Variants in SH3D19 observed in about 807,000 individuals in gnomAD.
The protein encoded by SH3D19 is SH3 domain-containing protein 19.
A neutral mutation model predicts 112.1 loss-of-function variants in SH3D19; 58 were observed. That is an observed-to-expected ratio of 0.52 (90% CI 0.42 to 0.64). The LOEUF is 0.64. SH3D19 is among the 30% of genes least tolerant of loss of function. SH3D19 has a pLI of 0.00. For synonymous variants in SH3D19, 391 were observed against 448.5 expected (o/e 0.87, Z 1.62); for missense variants, 1,090 against 1,263.4 (o/e 0.86, Z 2.08).
chr4:151,176,872 A>C lies in SH3D19; in HGVS notation c.320T>G (p.Phe107Cys). The change falls in exon 5 of 20, where the codon TTT (phenylalanine) becomes TGT (cysteine). Residue 107 changes from phenylalanine (F) to cysteine (C), a missense_variant. Physicochemically the swap from Phe to Cys is radical, Grantham distance 205. Transcript: ENST00000604030. ...AGAGCCTGCTGCAGATGATGTAGGAAATCCCAGTCCTGGGGGTGGGGTTCC... is the reference window on the plus strand; with the variant it reads ...AGAGCCTGCTGCAGATGATGTAGGACATCCCAGTCCTGGGGGTGGGGTTCC... The part of the protein sequence containing the change: ...FPGTPPPGLG[F>C]PTSSAAGSWR... 1 of 1,232,190 alleles carries C rather than the reference A, an allele frequency of 8.1e-7. No individual in the cohort carries two copies. Among genetic ancestry groups the C allele is most frequent in the African/African-American group, 1.5e-5 (1 of 64,540 alleles). The allele number at this position is 1,232,190 out of a possible 1,614,324, so 76.3% of individuals were successfully genotyped here.
At chr4:151,237,616 G>C (rs1436236263) in intron 1 of SH3D19, among the ~76,000 whole-genome samples, 2 of 152,076 alleles carry the variant, frequency 1.3e-5, no homozygotes, top group Non-Finnish European at 2.9e-5. Context: ...CTGTAAAATG[G>C]GGAATAATAG....
At chr4:151,309,975 G>C (rs1158021770) in intron 1 of SH3D19, among the ~76,000 whole-genome samples, 2 of 151,354 alleles carry the variant, frequency 1.3e-5, no homozygotes, top group Non-Finnish European at 2.9e-5. Flanking sequence ...GGGTGACATA[G>C]CAAGACCCTG....
intron 9 of SH3D19, among the ~76,000 whole-genome samples, chr4:151,154,568 C>A (rs529163427): frequency 1.1e-4 from 17 of 150,758 alleles, no homozygotes; most frequent in African/African-American, 4.1e-4. Flanking sequence ...TGTGAGCCAC[C>A]ACACCCGGCC....
At chr4:151,172,944 C>G (rs902407753) in intron 7 of SH3D19, among the ~76,000 whole-genome samples, 2 of 152,186 alleles carry the variant, frequency 1.3e-5, no homozygotes, top group African/African-American at 4.8e-5. Flanking sequence ...TCAGATAGCA[C>G]AAGCAAATTA....
chr4:151,239,527 T>TG (rs1371181875), intron 1 of SH3D19, among the ~76,000 whole-genome samples: 1 of 152,224 alleles, frequency 6.6e-6, no homozygotes, highest in Non-Finnish European at 1.5e-5. Context: ...TACTTCAGAA[T>TG]TGCAGAATTA....
chr4:151,317,990 TAAAA>T (rs139058641), intron 1 of SH3D19, among the ~76,000 whole-genome samples: 5 of 136,722 alleles, frequency 3.7e-5, no homozygotes, highest in Admixed American at 7.3e-5. Context: ...GGCTGTTTCT[TAAAA>T]AAAAAAAGAA....
intron 1 of SH3D19, among the ~76,000 whole-genome samples, chr4:151,237,711 A>G (rs73861144): frequency 2.3e-3 from 358 of 152,360 alleles, no homozygotes; most frequent in African/African-American, 8.0e-3. Flanking sequence ...TAAGTGCTCA[A>G]TAAACATCTA....
At chr4:151,254,185 CAT>C (rs141853694) in intron 1 of SH3D19, among the ~76,000 whole-genome samples, 3,246 of 152,228 alleles carry the variant, frequency 0.021, 125 homozygotes, top group African/African-American at 0.074. Flanking sequence ...TAACTGATCA[CAT>C]ATGTTAAACT....
At chr4:151,274,570 G>A (rs932459745) in intron 1 of SH3D19, among the ~76,000 whole-genome samples, 4 of 152,168 alleles carry the variant, frequency 2.6e-5, no homozygotes, top group African/African-American at 7.2e-5. Context: ...CATGGAATTC[G>A]GTTGAGCCAT....
At chr4:151,319,792 A>G (rs1730358640) in intron 1 of SH3D19, among the ~76,000 whole-genome samples, 1 of 152,238 alleles carries the variant, frequency 6.6e-6, no homozygotes, top group Non-Finnish European at 1.5e-5. Context: ...CCCTTCATAA[A>G]TAGAAAAGCA....
At chr4:151,127,870 T>A (rs769148658) in intron 18 of SH3D19, among the ~76,000 whole-genome samples, 155 bp from the exon 19 acceptor site, 1 of 152,256 alleles carries the variant, frequency 6.6e-6, no homozygotes, top group Non-Finnish European at 1.5e-5. Context: ...TTTAAAAACA[T>A]GTTCAATTAA....
chr4:151,247,121 C>G (rs1401413747), intron 1 of SH3D19, among the ~76,000 whole-genome samples: 2 of 152,124 alleles, frequency 1.3e-5, no homozygotes, highest in African/African-American at 2.4e-5. Context: ...ATCCTGAATT[C>G]TATAAAATGA....
chr4:151,323,713 C>G (rs1730769850), intron 1 of SH3D19, among the ~76,000 whole-genome samples: 1 of 152,200 alleles, frequency 6.6e-6, no homozygotes, highest in Non-Finnish European at 1.5e-5. Context: ...AAGCCTTTGT[C>G]AACCTTGAGA....
chr4:151,234,808 T>A (rs1017980519), intron 1 of SH3D19, among the ~76,000 whole-genome samples: 2 of 137,968 alleles, frequency 1.4e-5, no homozygotes, highest in Non-Finnish European at 3.1e-5. Context: ...AGTGCAGTGG[T>A]GCAATCTTGG....
At chr4:151,314,871 C>A (rs1478987839) in intron 1 of SH3D19, among the ~76,000 whole-genome samples, 3 of 152,196 alleles carry the variant, frequency 2.0e-5, no homozygotes, top group Admixed American at 6.5e-5. Flanking sequence ...GTGAGCTACA[C>A]AGCCTTGTTC....
At position 151,307,680 on chromosome 4, in the gene SH3D19, G is replaced by T. The variant is rs548263102; in HGVS notation, c.112+17561C>A. ...TCCATGAACTGTGCAGCAGCTCAAA[G>T]CCTGGGTCAGTTGTATTGACACCAA... On this transcript the variant is annotated intron_variant, in intron 1 of 19. Transcript: ENST00000604030. Among the ~76,000 whole-genome samples the T allele has an allele frequency of 9.2e-5, 14 of 152,380 alleles. No homozygotes were observed. In the South Asian group the frequency reaches 1.4e-3, roughly 16 times the overall value.
chr4:151,298,792 T>C (rs1728041540), intron 1 of SH3D19, among the ~76,000 whole-genome samples: 1 of 152,360 alleles, frequency 6.6e-6, no homozygotes, highest in South Asian at 2.1e-4. Context: ...GAACATTATA[T>C]ATAATCACGA....
chr4:151,165,922 A>G (rs972391585), intron 7 of SH3D19: 21 of 450,480 alleles, frequency 4.7e-5, no homozygotes, highest in Non-Finnish European at 8.0e-5. Flanking sequence ...CTGATGAGAG[A>G]GATTGAGGAT....
intron 2 of SH3D19, among the ~76,000 whole-genome samples, chr4:151,214,878 G>T (rs1406036986): frequency 6.9e-6 from 1 of 145,644 alleles, no homozygotes; most frequent in African/African-American, 2.5e-5. Flanking sequence ...CCCAGACGGG[G>T]TGGCTGCCGG....
Sources: allele counts gnomAD v4.1 joint callset (sites outside exome capture counted in the v4.1 genomes callset), GRCh38; gene constraint gnomAD v4.1.1; transcripts MANE v1.5; gene names NCBI Gene and HGNC (gene_info 2026-07-23, HGNC 2026-07-21).